Variants in RPS6KC1 observed in about 807,000 individuals in gnomAD.
RPS6KC1 encodes the protein ribosomal protein S6 kinase C1.
A neutral mutation model predicts 103.8 loss-of-function variants in RPS6KC1; 54 were observed. The ratio of observed to expected loss-of-function variants is 0.52; its 90% CI spans 0.42 to 0.65. RPS6KC1 has a LOEUF of 0.65. Among genes scored for constraint, RPS6KC1 ranks in the 30% least tolerant of loss-of-function variants. The pLI is 0.00. For synonymous variants in RPS6KC1, 439 were observed against 438.7 expected, an observed-to-expected ratio of 1.00 and a Z score of -0.01; for missense variants, 1,151 against 1,253.8, an observed-to-expected ratio of 0.92 and a Z score of 1.24.
the RPS6KC1 span, among the ~76,000 whole-genome samples, chr1:213,547,507 G>A: frequency 2.0e-5 from 3 of 152,150 alleles, no homozygotes; most frequent in Admixed American, 6.5e-5. Context: ...AAAAAGAACC[G>A]CTTCTATAGT....
the RPS6KC1 span, among the ~76,000 whole-genome samples, chr1:213,626,993 T>C: frequency 0.14 from 21,073 of 152,212 alleles, 2,293 homozygotes; most frequent in African/African-American, 0.3. Flanking sequence ...AGGGATAGCA[T>C]TGAATCTGTA....
the RPS6KC1 span, among the ~76,000 whole-genome samples, chr1:213,777,322 C>G: frequency 6.6e-6 from 1 of 152,280 alleles, no homozygotes. Flanking sequence ...CTTCCTTTTA[C>G]TTGAACACTT....
the RPS6KC1 span, among the ~76,000 whole-genome samples, chr1:213,634,628 G>C: frequency 6.6e-6 from 1 of 152,086 alleles, no homozygotes; most frequent in Admixed American, 6.6e-5. Flanking sequence ...GAGAAAGCAG[G>C]AAAGATCTAA....
the RPS6KC1 span, among the ~76,000 whole-genome samples, chr1:213,384,283 A>ATAT: frequency 7.3e-3 from 1,065 of 145,192 alleles, 12 homozygotes; most frequent in African/African-American, 0.027. Flanking sequence ...CTCAAAAAAA[A>ATAT]ATATATATAT....
the RPS6KC1 span, among the ~76,000 whole-genome samples, chr1:213,304,457 A>G: frequency 6.6e-6 from 1 of 152,156 alleles, no homozygotes; most frequent in South Asian, 2.1e-4. Flanking sequence ...AACACTTTAA[A>G]TCTATTTTCT....
At chr1:213,817,792 TAC>T in the RPS6KC1 span, 1 of 149,344 alleles carries the variant, frequency 6.7e-6, no homozygotes, top group Non-Finnish European at 1.5e-5. Context: ...TTGCAGATAT[TAC>T]AGTTTTTTTT....
chr1:213,117,387 C>A lies in RPS6KC1; in HGVS notation c.449C>A (p.Thr150Asn). 6.2e-7 allele frequency: 1 copy of A among 1,607,276 alleles called. No homozygotes were observed. The highest frequency in any genetic ancestry group is 1.3e-5 in the African/African-American group (1 of 74,810). Reference sequence around the variant, plus strand: ...GCTCACTCAGATTCCCTCATTGATACCTTTCCTGAGTGTAGTACGGAAGGT... The same window carrying A: ...GCTCACTCAGATTCCCTCATTGATAACTTTCCTGAGTGTAGTACGGAAGGT... ...AEAHSDSLID[T>N]FPECSTEGFS... is the part of the protein sequence containing the mutation. The change falls in exon 5 of 15, where the codon ACC becomes AAC. Residue 150 changes from threonine to asparagine, a missense_variant. By Grantham distance (65) the Thr-to-Asn change is moderately conservative. This residue lies in a region of RPS6KC1 where 959 missense variants were observed against 1,006.3 expected (regional missense o/e 0.95). Transcript: ENST00000366960.
At chr1:213,778,881 T>G in the RPS6KC1 span, among the ~76,000 whole-genome samples, 1 of 152,096 alleles carries the variant, frequency 6.6e-6, no homozygotes, top group South Asian at 2.1e-4. Flanking sequence ...CCACCAGGCT[T>G]CCACCCCACC....
chr1:213,137,785 A>C (rs369963036), intron 6 of RPS6KC1, among the ~76,000 whole-genome samples: 399 of 14,482 alleles, frequency 0.028, 17 homozygotes, highest in East Asian at 0.067. Flanking sequence ...CTCTATATAT[A>C]TATATATATA....
the RPS6KC1 span, among the ~76,000 whole-genome samples, chr1:213,456,089 G>A: frequency 6.6e-6 from 1 of 152,134 alleles, no homozygotes; most frequent in Non-Finnish European, 1.5e-5. Flanking sequence ...CCAATGAGGA[G>A]CGAGGCTTTG....
chr1:213,150,902 G>A (rs192148911), intron 6 of RPS6KC1, among the ~76,000 whole-genome samples: 6 of 151,886 alleles, frequency 4.0e-5, no homozygotes, highest in South Asian at 4.2e-4. Flanking sequence ...GGGCAGAGGC[G>A]CCCCTCACCT....
chr1:213,641,000 T>G, the RPS6KC1 span, among the ~76,000 whole-genome samples: 9 of 152,046 alleles, frequency 5.9e-5, no homozygotes, highest in Admixed American at 2.6e-4. Flanking sequence ...CTTCATTATT[T>G]TGGAGCTCTG....
chr1:213,193,567 G>C (rs1011874252), intron 8 of RPS6KC1, among the ~76,000 whole-genome samples: 4 of 151,920 alleles, frequency 2.6e-5, no homozygotes, highest in African/African-American at 9.7e-5. Flanking sequence ...TGGCCTCTTT[G>C]TTGATTTTCT....
At chr1:213,698,324 A>G in the RPS6KC1 span, among the ~76,000 whole-genome samples, 1 of 152,200 alleles carries the variant, frequency 6.6e-6, no homozygotes, top group Admixed American at 6.5e-5. Flanking sequence ...AAGAGGACTC[A>G]TTGAAATAAC....
the RPS6KC1 span, among the ~76,000 whole-genome samples, chr1:213,513,833 T>C: frequency 1.6e-4 from 24 of 152,342 alleles, no homozygotes; most frequent in Middle Eastern, 3.4e-3. Context: ...AATACTGATA[T>C]GCAGCTTTAT....
At chr1:213,853,939 C>A in the RPS6KC1 span, among the ~76,000 whole-genome samples, 1 of 152,164 alleles carries the variant, frequency 6.6e-6, no homozygotes, top group Non-Finnish European at 1.5e-5. Flanking sequence ...AATATAACAC[C>A]AGCATTGAGA....
the RPS6KC1 span, among the ~76,000 whole-genome samples, chr1:213,704,719 G>A: frequency 6.6e-6 from 1 of 152,180 alleles, no homozygotes; most frequent in Non-Finnish European, 1.5e-5. Flanking sequence ...TGAAGAGTTA[G>A]GTATTTTATT....
At chr1:213,262,865 A>G (rs1394872372) in intron 14 of RPS6KC1, 49 bp downstream of exon 14, 2 of 1,096,056 alleles carry the variant, frequency 1.8e-6, no homozygotes, top group African/African-American at 1.5e-5. Flanking sequence ...GCAGATTAGC[A>G]GAGCCCACAA....
chr1:213,809,598 A>T, the RPS6KC1 span, among the ~76,000 whole-genome samples: 1 of 152,228 alleles, frequency 6.6e-6, no homozygotes, highest in African/African-American at 2.4e-5. Context: ...AGTTTACTAC[A>T]TACGCCCTCA....
Sources: allele counts gnomAD v4.1 joint callset (sites outside exome capture counted in the v4.1 genomes callset), GRCh38; gene constraint gnomAD v4.1.1; regional missense constraint gnomAD v4.1.1; transcripts MANE v1.5; gene names NCBI Gene and HGNC (gene_info 2026-07-23, HGNC 2026-07-21).